The following ABCA12 variants were observed in gnomAD, a reference collection of about 807,000 sequenced individuals.
ABCA12 encodes glucosylceramide transporter ABCA12.
A neutral mutation model predicts 293.5 loss-of-function variants in ABCA12; 156 were observed. The ratio of observed to expected loss-of-function variants is 0.53; its 90% CI spans 0.47 to 0.61. The LOEUF (loss-of-function observed/expected upper bound fraction) is 0.61. ABCA12 is among the 20% of genes least tolerant of loss of function. ABCA12 has a pLI of 0.00. For missense variants in ABCA12, 2,797 were observed against 3,090.2 expected (o/e 0.91, Z 2.25); for synonymous variants, 1,063 against 1,108.0 (o/e 0.96, Z 0.81).
intron 2 of ABCA12, among the ~76,000 whole-genome samples, chr2:215,102,307 A>G (rs1412705999): frequency 6.6e-6 from 1 of 152,186 alleles, no homozygotes; most frequent in Non-Finnish European, 1.5e-5. Context: ...CACCTTTAAG[A>G]TAAAGTCTAG....
At chr2:215,113,327 C>T (rs1252567358) in intron 1 of ABCA12, among the ~76,000 whole-genome samples, 1 of 152,198 alleles carries the variant, frequency 6.6e-6, no homozygotes, top group Non-Finnish European at 1.5e-5. Flanking sequence ...CACTATAGAT[C>T]CAAGGAATCC....
At chr2:215,009,757 G>A (rs1221217532) in intron 18 of ABCA12, among the ~76,000 whole-genome samples, 2 of 152,070 alleles carry the variant, frequency 1.3e-5, no homozygotes, top group Non-Finnish European at 2.9e-5. Context: ...CATTTTAAAA[G>A]TACTAGGTTT....
chr2:215,096,740 C>T (rs1041524011), intron 2 of ABCA12, among the ~76,000 whole-genome samples: 2 of 152,124 alleles, frequency 1.3e-5, no homozygotes, highest in African/African-American at 4.8e-5. Context: ...CCTTTCCTTG[C>T]CCTGATCTAG....
At chr2:214,997,917 C>A in intron 22 of ABCA12, 108 bp from the exon 23 acceptor site, 1 of 721,580 alleles carries the variant, frequency 1.4e-6, no homozygotes, top group Non-Finnish European at 2.4e-6. Flanking sequence ...AACTTATGAT[C>A]GTGTTTTGAA....
intron 2 of ABCA12, 43 bp from the exon 3 acceptor site, chr2:215,064,262 G>A (rs746280510): frequency 6.3e-7 from 1 of 1,597,110 alleles, no homozygotes; most frequent in Non-Finnish European, 8.6e-7. Flanking sequence ...TGGCACATTT[G>A]TCTGGGAAAG....
Position 214,932,841 on chromosome 2 carries a change from C to A in ABCA12, c.7681-100G>T. On this transcript the variant is annotated intron_variant, in intron 52 of 52. Transcript: ENST00000272895. ...TCTCTCCCCTTCCTCTCTCCTAGTG[C>A]AAGCGTGTATATATGTGTATGCAGG... is the stretch of plus-strand genomic sequence containing the variant. 11 of 846,220 alleles carry A rather than the reference C, an allele frequency of 1.3e-5. No homozygotes were observed. In the South Asian group the frequency reaches 1.6e-4, roughly 12 times the overall value. 52.4% of individuals were successfully genotyped at this position (846,220 alleles called of 1,614,324 possible). A position where few individuals can be genotyped will look rare whatever the true frequency, so the allele number is the denominator to read the frequency against.
At chr2:215,039,569 C>A (rs1667708377) in intron 7 of ABCA12, among the ~76,000 whole-genome samples, 1 of 152,122 alleles carries the variant, frequency 6.6e-6, no homozygotes, top group Non-Finnish European at 1.5e-5. Context: ...TCCTGGCTAA[C>A]ACAGTGAGAC....
At chr2:214,955,997 G>T (rs888242522) in intron 42 of ABCA12, among the ~76,000 whole-genome samples, 1 of 152,194 alleles carries the variant, frequency 6.6e-6, no homozygotes, top group African/African-American at 2.4e-5. Context: ...TAATGACACT[G>T]TTCAAGTCTA....
In ABCA12 at chr2:214,946,365, A is replaced by G. The variant is rs550560966; in HGVS notation, c.7239+1057T>C. ...AGAAAACTTGGTATCTTTCATGTCA[A>G]TATTTCATTTTGGTTCATTAATGCA... On this transcript the variant is annotated intron_variant, in intron 48 of 52. Coordinates refer to ENST00000272895, the MANE Select transcript of ABCA12 (RefSeq NM_173076.3). 7.2e-5 allele frequency among the ~76,000 whole-genome samples: 11 copies of G among 152,236 alleles called. No individual in the cohort carries two copies. In the East Asian group the frequency reaches 1.7e-3, roughly 24 times the overall value.
At chr2:214,949,742 A>G (rs1444763142) in intron 45 of ABCA12, among the ~76,000 whole-genome samples, 1 of 152,166 alleles carries the variant, frequency 6.6e-6, no homozygotes, top group African/African-American at 2.4e-5. Context: ...TGATGTCTTT[A>G]TGATGTTTTT....
rs73987791 is a variant in ABCA12 at position 215,095,053 on chromosome 2, C to A, written c.163+16544G>T. ...TAGGACCGAACAGTGCCCTGTCCCC[C>A]TCATGACAGCAACACTTCACTACTA... On this transcript the variant is annotated intron_variant, in intron 2 of 52. Coordinates refer to ENST00000272895, the MANE Select transcript of ABCA12 (RefSeq NM_173076.3). Among the ~76,000 whole-genome samples, 199 of 152,128 alleles carry A rather than the reference C, an allele frequency of 1.3e-3. 1 individual carries two copies. The highest frequency in any genetic ancestry group is 4.7e-3 in the African/African-American group (195 of 41,480).
At chr2:214,967,936 C>T (rs762340162) in intron 38 of ABCA12, among the ~76,000 whole-genome samples, 4 of 152,216 alleles carry the variant, frequency 2.6e-5, no homozygotes, top group African/African-American at 9.6e-5. Flanking sequence ...GAATATGCAT[C>T]TGATCCCGTG....
intron 1 of ABCA12, among the ~76,000 whole-genome samples, chr2:215,135,223 T>G (rs892283709): frequency 1.6e-4 from 25 of 152,304 alleles, no homozygotes; most frequent in African/African-American, 5.5e-4. Flanking sequence ...CCTCCCAAAG[T>G]GCCGGGATTA....
At chr2:214,973,190 G>C (rs1305066894) in intron 36 of ABCA12, among the ~76,000 whole-genome samples, 1 of 152,104 alleles carries the variant, frequency 6.6e-6, no homozygotes, top group Non-Finnish European at 1.5e-5. Context: ...CTTATTGTTA[G>C]TATCTATTTT....
intron 8 of ABCA12, among the ~76,000 whole-genome samples, chr2:215,033,758 G>A (rs1022617346): frequency 6.6e-6 from 1 of 151,870 alleles, no homozygotes; most frequent in East Asian, 1.9e-4. Flanking sequence ...TGGCTAACAC[G>A]GTGACACCCC....
chr2:215,010,578 T>G, intron 17 of ABCA12, 108 bp from the exon 18 acceptor site: 11 of 1,204,424 alleles, frequency 9.1e-6, no homozygotes, highest in Non-Finnish European at 1.3e-5. Context: ...ATACATGCTC[T>G]AGTACTTCCT....
At chr2:215,119,734 T>TAAA (rs386654995) in intron 1 of ABCA12, among the ~76,000 whole-genome samples, 3,997 of 75,530 alleles carry the variant, frequency 0.053, 97 homozygotes, top group Middle Eastern at 0.098. Flanking sequence ...CATTAAAAAG[T>TAAA]AAAAAAAAAA....
intron 1 of ABCA12, among the ~76,000 whole-genome samples, chr2:215,125,285 G>A (rs1702898172): frequency 6.6e-6 from 1 of 151,762 alleles, no homozygotes; most frequent in Non-Finnish European, 1.5e-5. Flanking sequence ...TGGCTATGTG[G>A]GCTTTTTGGT....
At position 214,958,349 on chromosome 2, in the gene ABCA12, T is replaced by A; in HGVS notation, c.6045A>T (p.Lys2015Asn). 6.2e-7 allele frequency: 1 copy of A among 1,614,034 alleles called. No individual in the cohort carries two copies. The highest frequency in any genetic ancestry group is 8.5e-7 in the Non-Finnish European group (1 of 1,179,918). Reference sequence around the variant, plus strand: ...CTGAAATGTGCTGCAACTGTTTGGCTTTGGTTTGATGTTCCCTTACAACAT... The same window carrying A: ...CTGAAATGTGCTGCAACTGTTTGGCATTGGTTTGATGTTCCCTTACAACAT... Reference protein sequence around the residue: ...VTYVVREHQTKAKQLQHISGI... With the variant: ...VTYVVREHQTNAKQLQHISGI... The change falls in exon 41 of 53, where the codon AAA (lysine) becomes AAT (asparagine). Residue 2015 changes from lysine (K) to asparagine (N), a missense_variant. Transcript: ENST00000272895.
Sources: gnomAD v4.1 joint callset for allele counts (sites outside exome capture counted in the v4.1 genomes callset) on GRCh38, gnomAD v4.1.1 for gene constraint, MANE v1.5 for transcripts, NCBI Gene and HGNC (gene_info 2026-07-23, HGNC 2026-07-21) for gene names.